CCDC171: variants seen among roughly 807,000 people sequenced by gnomAD.
CCDC171 encodes the protein coiled-coil domain containing 171.
Under a neutral mutation model 168.2 loss-of-function variants are expected in CCDC171, and 177 were observed. The ratio of observed to expected loss-of-function variants is 1.05; its 90% CI spans 0.93 to 1.19. CCDC171 has a LOEUF of 1.19. Among genes scored for constraint, CCDC171 ranks in the 50% most tolerant of loss-of-function variants. The probability of loss-of-function intolerance (pLI) is 0.00; values close to 1 mark genes in which losing one functional copy is unlikely to be tolerated. For missense variants in CCDC171, 1,991 were observed against 1,539.0 expected, an observed-to-expected ratio of 1.29 and a Z score of -4.91; for synonymous variants, 687 against 540.8, an observed-to-expected ratio of 1.27 and a Z score of -3.75.
chr9:15,655,874 T>TAA (rs1330779594), intron 7 of CCDC171, among the ~76,000 whole-genome samples: 2 of 152,224 alleles, frequency 1.3e-5, no homozygotes. Flanking sequence ...ACTACATGCC[T>TAA]ATTTGATTGT....
At chr9:16,000,076 AT>A (rs1305698362) in intron 3 of CCDC171, among the ~76,000 whole-genome samples, 3 of 152,186 alleles carry the variant, frequency 2.0e-5, no homozygotes, top group Admixed American at 6.5e-5. Context: ...TTAAAGAAGC[AT>A]TTTTTAACTG....
chr9:16,014,717 G>A (rs1832966162), intron 3 of CCDC171, among the ~76,000 whole-genome samples: 1 of 152,146 alleles, frequency 6.6e-6, no homozygotes, highest in South Asian at 2.1e-4. Context: ...GAGATCTAGG[G>A]TGACTAGGTG....
chr9:15,929,069 A>G (rs1826209481), intron 25 of CCDC171, among the ~76,000 whole-genome samples: 1 of 149,760 alleles, frequency 6.7e-6, no homozygotes, highest in African/African-American at 2.5e-5. Context: ...AAAACATATT[A>G]GATATATATT....
At chr9:15,671,752 C>G (rs888268019) in intron 9 of CCDC171, among the ~76,000 whole-genome samples, 3 of 152,260 alleles carry the variant, frequency 2.0e-5, no homozygotes, top group Middle Eastern at 6.8e-3. Flanking sequence ...TTAACCCAGT[C>G]TATCATTGAT....
chr9:15,649,072 G>A (rs2047289712), intron 7 of CCDC171, among the ~76,000 whole-genome samples: 1 of 152,002 alleles, frequency 6.6e-6, no homozygotes, highest in Non-Finnish European at 1.5e-5. Context: ...GGAACAGAAC[G>A]GAGCTCTCAG....
chr9:15,590,791 T>TTC (rs2041938098), intron 4 of CCDC171, among the ~76,000 whole-genome samples: 2 of 143,608 alleles, frequency 1.4e-5, no homozygotes, highest in South Asian at 4.5e-4. Flanking sequence ...CTTTCTTTCT[T>TTC]TCTTTCTTTC....
chr9:15,975,515 G>T (rs1831594295), downstream of CCDC171, among the ~76,000 whole-genome samples: 1 of 152,124 alleles, frequency 6.6e-6, no homozygotes, highest in South Asian at 2.1e-4. Context: ...AACAGTAACT[G>T]TGAAGTTGGT....
intron 25 of CCDC171, among the ~76,000 whole-genome samples, chr9:15,968,738 C>A (rs1831054509): frequency 6.6e-6 from 1 of 152,034 alleles, no homozygotes; most frequent in African/African-American, 2.4e-5. Flanking sequence ...GAGGTTCCAC[C>A]ATGTTGGCCA....
intron 14 of CCDC171, among the ~76,000 whole-genome samples, chr9:15,726,670 A>G (rs1482627212): frequency 6.6e-6 from 1 of 152,110 alleles, no homozygotes; most frequent in Non-Finnish European, 1.5e-5. Context: ...AAAGATTTAT[A>G]TTTTGATATT....
At chr9:15,685,520 A>G (rs2050331616) in intron 10 of CCDC171, among the ~76,000 whole-genome samples, 2 of 152,252 alleles carry the variant, frequency 1.3e-5, no homozygotes, top group South Asian at 4.2e-4. Context: ...CTGTAGTTCT[A>G]GCTACTTGGG....
chr9:15,809,677 C>T (rs778531021), intron 21 of CCDC171, among the ~76,000 whole-genome samples: 2 of 152,174 alleles, frequency 1.3e-5, no homozygotes, highest in African/African-American at 4.8e-5. Context: ...TCACTGGCCT[C>T]AGGAGTGAAG....
At chr9:15,675,187 G>GTTGTTTTTTTTTTTTTT (rs2049435851) in intron 9 of CCDC171, among the ~76,000 whole-genome samples, 1 of 75,530 alleles carries the variant, frequency 1.3e-5, no homozygotes. Context: ...TGCAACTCCT[G>GTTGTTTTTTTTTTTTTT]TTTTTTTTTT....
At chr9:15,664,394 G>A (rs1459762185) in intron 8 of CCDC171, among the ~76,000 whole-genome samples, 6 of 151,966 alleles carry the variant, frequency 3.9e-5, no homozygotes, top group Non-Finnish European at 7.4e-5. Flanking sequence ...CATTACAAAC[G>A]CGTGACACCA....
chr9:15,789,229 A>G (rs780828978), intron 21 of CCDC171, among the ~76,000 whole-genome samples: 1 of 152,192 alleles, frequency 6.6e-6, no homozygotes, highest in Non-Finnish European at 1.5e-5. Flanking sequence ...ATTTCAGATT[A>G]TCAGATTTGG....
chr9:15,773,388 C>T (rs2057115627), intron 18 of CCDC171, among the ~76,000 whole-genome samples: 1 of 152,122 alleles, frequency 6.6e-6, no homozygotes, highest in South Asian at 2.1e-4. Flanking sequence ...ATCTGCAGCC[C>T]ACAGATTTAG....
At position 15,676,395 on chromosome 9, in the gene CCDC171, C is replaced by A. The variant is rs183513922; in HGVS notation, c.1077-2363C>A. Among the ~76,000 whole-genome samples, 308 of 152,158 alleles carry A rather than the reference C, an allele frequency of 2.0e-3. 2 individuals are homozygous for A. The highest frequency in any genetic ancestry group is 3.5e-3 in the Non-Finnish European group (237 of 68,008). ...CTTCTGTCAACTCGTCAAACTCATT[C>A]TCCATCCGGTTTTGTTCTGTTGGTG... On this transcript the variant is annotated intron_variant, in intron 9 of 25. Coordinates refer to ENST00000380701, the MANE Select transcript of CCDC171 (RefSeq NM_173550.4).
Position 15,744,532 on chromosome 9 carries a change from G to GAACTCCCAC in CCDC171, c.2314_2315insCCACAACTC (p.Thr771_Leu772insProThrThr), listed in dbSNP as rs1564329204. On this transcript the variant is annotated inframe_insertion, in exon 17 of 26. Coordinates refer to ENST00000380701, the MANE Select transcript of CCDC171 (RefSeq NM_173550.4). ...TTTGAGTTGTTCAAACTGGAAATTA[G>GAACTCCCAC]AACTCTAGCCCAGGCTTTGTCAACT... is the stretch of plus-strand genomic sequence containing the variant. 1.9e-6 allele frequency: 3 copies of GAACTCCCAC among 1,614,152 alleles called. No homozygotes were observed. Among genetic ancestry groups the GAACTCCCAC allele is most frequent in the Non-Finnish European group, 2.5e-6 (3 of 1,180,026 alleles).
In CCDC171 at chr9:15,935,407, G is replaced by C. The variant is rs546214317; in HGVS notation, c.3753+14985G>C. Among the ~76,000 whole-genome samples, 6 of 152,094 alleles carry C rather than the reference G, an allele frequency of 3.9e-5. No homozygotes were observed. The South Asian group carries it at 1.2e-3, about 32-fold the overall frequency. Reference sequence around the variant, plus strand: ...GCTGTAAAATGAAGGGTTGCTATTTGATGAAATCTAAATTCCCTGTCAGCT... The same window carrying C: ...GCTGTAAAATGAAGGGTTGCTATTTCATGAAATCTAAATTCCCTGTCAGCT... On this transcript the variant is annotated intron_variant, in intron 25 of 25. Coordinates refer to ENST00000380701, the MANE Select transcript of CCDC171 (RefSeq NM_173550.4).
chr9:15,797,601 C>T (rs1250604321), intron 21 of CCDC171, among the ~76,000 whole-genome samples: 2 of 151,996 alleles, frequency 1.3e-5, no homozygotes, highest in African/African-American at 4.8e-5. Flanking sequence ...TCTTTTTTCA[C>T]ATATATTAAT....
Sources: allele counts gnomAD v4.1 joint callset (sites outside exome capture counted in the v4.1 genomes callset), GRCh38; gene constraint gnomAD v4.1.1; transcripts MANE v1.5; gene names NCBI Gene and HGNC (gene_info 2026-07-23, HGNC 2026-07-21).